VWA2: variants seen among roughly 807,000 people sequenced by gnomAD.
The protein encoded by VWA2 is von Willebrand factor A domain-containing protein 2.
Under a neutral mutation model 70.4 loss-of-function variants are expected in VWA2, and 73 were observed. The observed-to-expected ratio is 1.04, with a 90% CI of 0.86 to 1.26. VWA2 has a LOEUF of 1.26. Among genes scored for constraint, VWA2 ranks in the 50% most tolerant of loss-of-function variants. VWA2 has a pLI of 0.00. For missense variants in VWA2, 1,011 were observed against 998.5 expected (o/e 1.01, Z -0.17); for synonymous variants, 407 against 423.3 (o/e 0.96, Z 0.47).
intron 5 of VWA2, among the ~76,000 whole-genome samples, chr10:114,264,423 C>CTT (rs35282387): frequency 1.4e-4 from 21 of 146,556 alleles, no homozygotes; most frequent in African/African-American, 3.5e-4. Context: ...TCCACGTTTT[C>CTT]TTTTTTTTTT....
intron 4 of VWA2, 112 bp downstream of exon 4, chr10:114,255,160 AG>A: frequency 7.3e-7 from 1 of 1,364,398 alleles, no homozygotes; most frequent in Middle Eastern, 2.7e-4. Context: ...GGGAAGACCA[AG>A]GGGCTGAATC....
At chr10:114,277,168 C>CATTT (rs2037864402) in intron 6 of VWA2, among the ~76,000 whole-genome samples, 1 of 61,234 alleles carries the variant, frequency 1.6e-5, no homozygotes, top group Non-Finnish European at 3.1e-5. Flanking sequence ...GACTGCACGT[C>CATTT]TTTTTTTTTT....
At chr10:114,271,497 G>A (rs1391118713) in intron 5 of VWA2, among the ~76,000 whole-genome samples, 1 of 152,126 alleles carries the variant, frequency 6.6e-6, no homozygotes, top group Non-Finnish European at 1.5e-5. Flanking sequence ...AGGGGAAGGT[G>A]GAACCATAAC....
At chr10:114,254,584 T>C (rs990117827) in intron 3 of VWA2, among the ~76,000 whole-genome samples, 25 of 152,316 alleles carry the variant, frequency 1.6e-4, no homozygotes, top group Non-Finnish European at 3.2e-4. Flanking sequence ...GTGTCCACAC[T>C]AGACTGTGGT....
At chr10:114,271,361 G>A (rs949789170) in intron 5 of VWA2, among the ~76,000 whole-genome samples, 2 of 152,222 alleles carry the variant, frequency 1.3e-5, no homozygotes, top group Non-Finnish European at 2.9e-5. Flanking sequence ...CCATTTAAGA[G>A]CTTGCTTAAG....
intron 5 of VWA2, among the ~76,000 whole-genome samples, chr10:114,262,506 C>T (rs1340398524): frequency 6.6e-6 from 1 of 152,194 alleles, no homozygotes; most frequent in African/African-American, 2.4e-5. Context: ...GCCCCTTGTA[C>T]TAGTGTCCAC....
intron 1 of VWA2, among the ~76,000 whole-genome samples, chr10:114,247,064 G>T (rs1034724314): frequency 1.6e-4 from 24 of 152,182 alleles, no homozygotes; most frequent in African/African-American, 5.3e-4. Flanking sequence ...TGACCACTTT[G>T]CCCTGACTCG....
At chr10:114,249,069 ATGTGTGCCATGG>A (rs535597770) in intron 2 of VWA2, among the ~76,000 whole-genome samples, 71 of 152,006 alleles carry the variant, frequency 4.7e-4, no homozygotes, top group African/African-American at 1.7e-3. Flanking sequence ...ACATAGGTAA[ATGTGTGCCATGG>A]TGTGTGCCAT....
chr10:114,276,191 G>T lies in VWA2; in HGVS notation c.567-1723G>T, dbSNP rs560670284. Reference sequence around the variant, plus strand: ...GGGAGGGGGATGGCCTGAGCTGAGGGCCATGTAGGGCTCCCAGGACCACCT... The same window carrying T: ...GGGAGGGGGATGGCCTGAGCTGAGGTCCATGTAGGGCTCCCAGGACCACCT... On this transcript the variant is annotated intron_variant, in intron 6 of 13. Coordinates refer to ENST00000392982, the MANE Select transcript of VWA2 (RefSeq NM_001272046.2). Among the ~76,000 whole-genome samples the T allele has an allele frequency of 5.3e-5, 8 of 152,256 alleles. No homozygotes were observed. In the East Asian group the frequency reaches 1.5e-3, roughly 29 times the overall value.
Position 114,290,271 on chromosome 10 carries a change from C to T in VWA2, c.2154C>T (p.Pro718=), listed in dbSNP as rs967665819. 6 of 1,550,478 alleles carry T rather than the reference C, an allele frequency of 3.9e-6. No homozygotes were observed. In the African/African-American group the frequency reaches 6.8e-5, roughly 18 times the overall value. The change falls in exon 13 of 14, where the codon CCC becomes CCT. Residue 718 remains proline, a synonymous_variant. Coordinates refer to ENST00000392982, the MANE Select transcript of VWA2 (RefSeq NM_001272046.2). ...AGCAGCCAGTCAACCTCTGCAAACC[C>T]AGCCCGTGCATGAATGAGGGCAGCT... ...EAKQPVNLCK[P]SPCMNEGSCV...
In VWA2 at chr10:114,261,233, C is replaced by G; in HGVS notation, c.309C>G (p.Phe103Leu). The G allele has an allele frequency of 1.9e-6, 3 of 1,614,112 alleles. No individual in the cohort carries two copies. Among genetic ancestry groups the G allele is most frequent in the East Asian group, 2.2e-5 (1 of 44,882 alleles). The stretch of plus-strand genomic sequence containing the variant: ...TCAGTTCCACTCCTCATCTGGAATT[C>G]CCCTTGGATTCATTTTCAACCCAAC... ...FQFSSTPHLE[F>L]PLDSFSTQQE... Residue 103 changes from phenylalanine (F) to leucine (L), a missense_variant, in exon 5 of 14, where the codon TTC (phenylalanine) becomes TTG (leucine). Physicochemically the swap from Phe to Leu is conservative, Grantham distance 22. Transcript: ENST00000392982.
At chr10:114,288,235 C>G (rs906778118) in intron 11 of VWA2, among the ~76,000 whole-genome samples, 1 of 152,210 alleles carries the variant, frequency 6.6e-6, no homozygotes. Context: ...GCTCTGACCC[C>G]TTCTCCCAGT....
At chr10:114,256,073 G>A (rs1216455096) in intron 4 of VWA2, among the ~76,000 whole-genome samples, 1 of 152,182 alleles carries the variant, frequency 6.6e-6, no homozygotes, top group Non-Finnish European at 1.5e-5. Flanking sequence ...CAGTTACAAA[G>A]GCTTGGACCC....
chr10:114,246,810 C>T (rs1415022747), intron 1 of VWA2: 2 of 989,334 alleles, frequency 2.0e-6, no homozygotes, highest in Admixed American at 1.7e-5. Context: ...TGACTGCTGC[C>T]CTCAATCTAG....
Position 114,255,040 on chromosome 10 carries a change from C to T in VWA2, c.253C>T (p.Pro85Ser), listed in dbSNP as rs1431904297. 6.2e-7 allele frequency: 1 copy of T among 1,611,970 alleles called. No individual in the cohort carries two copies. Among genetic ancestry groups the T allele is most frequent in the East Asian group, 2.2e-5 (1 of 44,848 alleles). The change falls in exon 4 of 14, where the codon CCC becomes TCC. Residue 85 changes from proline to serine, a missense_variant. Transcript: ENST00000392982. ...AGTCTGTGACGGTCTGGACATCAGC[C>T]CCGAGAGGGTGAGTGCAAGTCTTGT... ...ITVCDGLDIS[P>S]ERVRVGAFQF...
chr10:114,258,221 T>A (rs1338800002), intron 4 of VWA2, among the ~76,000 whole-genome samples: 1 of 152,238 alleles, frequency 6.6e-6, no homozygotes, highest in Non-Finnish European at 1.5e-5. Context: ...TATTCTCTTT[T>A]TGTTGTCTCC....
chr10:114,285,939 C>T lies in VWA2; in HGVS notation c.998C>T (p.Ala333Val). Residue 333 changes from alanine to valine, a missense_variant and splice_region_variant, in exon 11 of 14, where the codon GCC (alanine) becomes GTC (valine). Coordinates refer to ENST00000392982, the MANE Select transcript of VWA2 (RefSeq NM_001272046.2). ...PLAFGGEANC[A>V]LKLSLECRVD... ...GTGGGTGTTGCTGTGATCCCCGCAG[C>T]CCTGAAGCTGAGCCTGGAATGCAGG... The T allele has an allele frequency of 6.3e-7, 1 of 1,588,700 alleles. No individual in the cohort carries two copies. The highest frequency in any genetic ancestry group is 1.1e-5 in the South Asian group (1 of 87,452).
chr10:114,251,421 T>C (rs905813573), intron 2 of VWA2, among the ~76,000 whole-genome samples: 3 of 152,246 alleles, frequency 2.0e-5, no homozygotes, highest in South Asian at 2.1e-4. Context: ...CTGAGTGACA[T>C]CTTTAGTGAG....
intron 6 of VWA2, among the ~76,000 whole-genome samples, chr10:114,273,292 T>C (rs889719170): frequency 1.3e-5 from 2 of 152,138 alleles, no homozygotes; most frequent in East Asian, 3.8e-4. Context: ...CTTCCACATA[T>C]CTCTGCTGTT....
Sources: allele counts gnomAD v4.1 joint callset (sites outside exome capture counted in the v4.1 genomes callset), GRCh38; gene constraint gnomAD v4.1.1; transcripts MANE v1.5; gene names NCBI Gene and HGNC (gene_info 2026-07-23, HGNC 2026-07-21).